NTM: variants seen among roughly 807,000 people sequenced by gnomAD.
NTM encodes the protein neurotrimin, also known as IgLON family member 2.
NTM carries 13 observed loss-of-function variants against 42.1 expected under a neutral mutation model. The observed-to-expected ratio is 0.31, with a 90% confidence interval of 0.20 to 0.49. The LOEUF (loss-of-function observed/expected upper bound fraction) is 0.49. Ranked by LOEUF, NTM falls within the 20% of genes least tolerant of loss-of-function variation. The pLI is 0.99. For synonymous variants in NTM, 187 were observed against 179.2 expected (o/e 1.04, Z -0.35); for missense variants, 373 against 452.8 (o/e 0.82, Z 1.60).
chr11:131,929,776 G>A (rs1475038723), intron 2 of NTM, among the ~76,000 whole-genome samples: 3 of 152,078 alleles, frequency 2.0e-5, no homozygotes, highest in African/African-American at 7.2e-5. Flanking sequence ...CACGAAGTCC[G>A]CTTGCTTTCC....
chr11:132,157,182 T>C (rs2073365049), intron 3 of NTM, among the ~76,000 whole-genome samples: 3 of 152,226 alleles, frequency 2.0e-5, no homozygotes, highest in South Asian at 2.1e-4. Context: ...AAATGTGTTA[T>C]AGAAAAAGGA....
chr11:132,305,183 GC>G (rs1342411471), intron 4 of NTM, among the ~76,000 whole-genome samples: 1 of 152,184 alleles, frequency 6.6e-6, no homozygotes, highest in African/African-American at 2.4e-5. Flanking sequence ...TGACAAGTTG[GC>G]CCCTGCAAAT....
intron 2 of NTM, among the ~76,000 whole-genome samples, chr11:132,047,744 C>G (rs980547001): frequency 6.6e-6 from 1 of 152,204 alleles, no homozygotes; most frequent in African/African-American, 2.4e-5. Context: ...CACTGTTTTT[C>G]CACATAACTT....
chr11:132,246,402 T>C (rs2091170085), intron 4 of NTM, among the ~76,000 whole-genome samples: 1 of 152,242 alleles, frequency 6.6e-6, no homozygotes, highest in Non-Finnish European at 1.5e-5. Context: ...GTGATTTTCC[T>C]CCTTTACAGG....
intron 1 of NTM, among the ~76,000 whole-genome samples, chr11:131,843,020 T>C (rs944131806): frequency 6.6e-6 from 1 of 151,656 alleles, no homozygotes; most frequent in Non-Finnish European, 1.5e-5. Flanking sequence ...AAAAAATAAA[T>C]AAATAAATAA....
chr11:131,727,608 A>G (rs545609492), intron 1 of NTM, among the ~76,000 whole-genome samples: 94 of 152,332 alleles, frequency 6.2e-4, no homozygotes, highest in African/African-American at 2.2e-3. Context: ...CAGACAGTCT[A>G]TGACAACATC....
chr11:131,632,738 G>C (rs993308723), intron 1 of NTM, among the ~76,000 whole-genome samples: 1 of 134,062 alleles, frequency 7.5e-6, no homozygotes, highest in Non-Finnish European at 1.5e-5. Flanking sequence ...GCAGTGGCGC[G>C]ATCTCCACTC....
chr11:131,902,024 C>G (rs903217865), intron 1 of NTM, among the ~76,000 whole-genome samples: 2 of 152,196 alleles, frequency 1.3e-5, no homozygotes, highest in African/African-American at 4.8e-5. Flanking sequence ...CTGTGATGCC[C>G]CAAGGGCAAC....
At chr11:132,239,380 A>G (rs1281313689) in intron 4 of NTM, among the ~76,000 whole-genome samples, 1 of 152,200 alleles carries the variant, frequency 6.6e-6, no homozygotes, top group African/African-American at 2.4e-5. Context: ...AACTTAAGCA[A>G]TCATCCCATA....
chr11:132,167,129 G>A (rs148885223), intron 3 of NTM, among the ~76,000 whole-genome samples: 6 of 152,232 alleles, frequency 3.9e-5, no homozygotes, highest in South Asian at 2.1e-4. Context: ...TGAGCTTAGC[G>A]CTTGCTGTAT....
At chr11:132,289,087 T>G (rs2094359515) in intron 4 of NTM, among the ~76,000 whole-genome samples, 1 of 152,202 alleles carries the variant, frequency 6.6e-6, no homozygotes. Context: ...TCATATTTGT[T>G]TTAAAAGTGT....
At chr11:131,845,908 A>T (rs2044844465) in intron 1 of NTM, among the ~76,000 whole-genome samples, 1 of 152,154 alleles carries the variant, frequency 6.6e-6, no homozygotes, top group African/African-American at 2.4e-5. Context: ...AGGCAGTTCT[A>T]GATAAATAAG....
At chr11:131,796,589 G>A (rs1419141363) in intron 1 of NTM, among the ~76,000 whole-genome samples, 1 of 152,142 alleles carries the variant, frequency 6.6e-6, no homozygotes, top group Non-Finnish European at 1.5e-5. Flanking sequence ...CAGGAAACCA[G>A]TTGACAAAGA....
intron 2 of NTM, among the ~76,000 whole-genome samples, chr11:131,978,456 C>T (rs533006511): frequency 6.6e-6 from 1 of 152,202 alleles, no homozygotes; most frequent in Non-Finnish European, 1.5e-5. Context: ...GAAATTAAAG[C>T]AAACAAAGTC....
chr11:132,127,751 G>A (rs1207420148), intron 2 of NTM, among the ~76,000 whole-genome samples: 1 of 152,216 alleles, frequency 6.6e-6, no homozygotes, highest in Admixed American at 6.5e-5. Context: ...CTGGGCTTTA[G>A]TCTCCCTACA....
intron 1 of NTM, among the ~76,000 whole-genome samples, chr11:131,773,372 T>C (rs1003131289): frequency 6.6e-6 from 1 of 152,252 alleles, no homozygotes; most frequent in African/African-American, 2.4e-5. Context: ...ATACATACAG[T>C]TGAGAGTGAC....
chr11:131,555,503 A>G (rs369795431), intron 1 of NTM, among the ~76,000 whole-genome samples: 5 of 152,290 alleles, frequency 3.3e-5, no homozygotes, highest in Admixed American at 1.3e-4. Flanking sequence ...AGGAGCATCA[A>G]CTAATGGTCC....
chr11:131,526,493 C>A (rs976872294), intron 1 of NTM, among the ~76,000 whole-genome samples: 1 of 152,136 alleles, frequency 6.6e-6, no homozygotes, highest in Non-Finnish European at 1.5e-5. Context: ...GTAAAGAAAT[C>A]ATCTTTGTAC....
At chr11:132,125,898 G>A (rs2065744397) in intron 2 of NTM, among the ~76,000 whole-genome samples, 1 of 151,122 alleles carries the variant, frequency 6.6e-6, no homozygotes, top group Non-Finnish European at 1.5e-5. Context: ...GTGTGTGCGT[G>A]CATGTGTTTG....
Sources: allele counts gnomAD v4.1 joint callset (sites outside exome capture counted in the v4.1 genomes callset), GRCh38; gene constraint gnomAD v4.1.1; transcripts MANE v1.5; gene names NCBI Gene and HGNC (gene_info 2026-07-23, HGNC 2026-07-21).